PATL1: variants seen among roughly 807,000 people sequenced by gnomAD.
PATL1 encodes PAT1 homolog 1, processing body mRNA decay factor, also known as protein PAT1 homolog 1.
A neutral mutation model predicts 100.6 loss-of-function variants in PATL1; 32 were observed. The ratio of observed to expected loss-of-function variants is 0.32; its 90% confidence interval spans 0.24 to 0.43. PATL1 has a LOEUF of 0.43. Ranked by LOEUF, PATL1 falls within the 20% of genes least tolerant of loss-of-function variation. The pLI is 1.00. For synonymous variants in PATL1, 332 were observed against 330.0 expected (o/e 1.01, Z -0.07); for missense variants, 747 against 949.9 (o/e 0.79, Z 2.81).
chr11:59,650,654 A>C (rs1861429940), intron 13 of PATL1, 100 bp downstream of exon 13: 2 of 817,684 alleles, frequency 2.4e-6, no homozygotes, highest in Non-Finnish European at 3.8e-6. Flanking sequence ...ATTAAAACCA[A>C]AGAACATTGA....
In PATL1 at chr11:59,652,064, CAAAAAAAAA is replaced by C. The variant is rs748019832; in HGVS notation, c.1426+391_1426+399del. ...TGGACAACAGAGTAAGGCTCTTTCTCAAAAAAAAAAAAAAAAAAAAAAAAAAAAGACAAA... is the reference window on the plus strand; with the variant it reads ...TGGACAACAGAGTAAGGCTCTTTCTCAAAAAAAAAAAAAAAAAAAGACAAA... On this transcript the variant is annotated intron_variant, in intron 11 of 18. Coordinates refer to ENST00000300146, the MANE Select transcript of PATL1 (RefSeq NM_152716.3). Among the ~76,000 whole-genome samples the C allele has an allele frequency of 1.3e-3, 69 of 52,992 alleles. No individual in the cohort carries two copies. In the South Asian group the frequency reaches 0.016, roughly 12 times the overall value. The allele number at this position is 52,992 out of a possible 152,430, so 34.8% of individuals were successfully genotyped here.
chr11:59,659,512 T>C, intron 2 of PATL1, 43 bp from the exon 3 acceptor site: 1 of 1,490,926 alleles, frequency 6.7e-7, no homozygotes, highest in Non-Finnish European at 9.0e-7. Context: ...TTCATAGTGG[T>C]ACAAAAAAGT....
At chr11:59,660,204 T>G (rs1036778460) in intron 2 of PATL1, among the ~76,000 whole-genome samples, 1 of 152,242 alleles carries the variant, frequency 6.6e-6, no homozygotes, top group Non-Finnish European at 1.5e-5. Flanking sequence ...ATTCTTTACA[T>G]GCTTTTGAAT....
At chr11:59,640,142 G>C (rs1486823148) in intron 16 of PATL1, among the ~76,000 whole-genome samples, 2 of 150,842 alleles carry the variant, frequency 1.3e-5, no homozygotes, top group Non-Finnish European at 3.0e-5. Flanking sequence ...AGGAGTTTGA[G>C]ACCAGCCTGA....
chr11:59,653,456 G>A (rs1861475546), intron 9 of PATL1, among the ~76,000 whole-genome samples: 3 of 152,032 alleles, frequency 2.0e-5, no homozygotes, highest in African/African-American at 7.2e-5. Flanking sequence ...TAAAAATCAC[G>A]AAATATTTCA....
rs1287400594 is a variant in PATL1, at chr11:59,639,349, C to T, written c.2084G>A (p.Arg695His). 4.5e-6 allele frequency: 7 copies of T among 1,550,344 alleles called. No homozygotes were observed. The highest frequency in any genetic ancestry group is 2.0e-5 in the Admixed American group (1 of 50,976). The part of the protein sequence containing the change: ...GLSLLLILLS[R>H]GEDLQSSDPA... ...GTCTGAACTCTGTAGGTCTTCACCA[C>T]GGCTCAGGAGGATGAGGAGCAGTGA... Residue 695 changes from arginine to histidine, a missense_variant, in exon 17 of 19, where the codon CGT becomes CAT. This residue lies in a region of PATL1 where 434 missense variants were observed against 596.1 expected (regional missense o/e 0.73). Transcript: ENST00000300146.
rs997371441 is a variant in PATL1, at chr11:59,655,707, C to A, written c.847G>T (p.Ala283Ser). 5 of 1,602,018 alleles carry A rather than the reference C, an allele frequency of 3.1e-6. No homozygotes were observed. The African/African-American group carries it at 6.7e-5, about 21-fold the overall frequency. The change falls in exon 8 of 19, where the codon GCA becomes TCA. Residue 283 changes from alanine to serine, a missense_variant. Ala to Ser is a moderately conservative substitution (Grantham distance 99, BLOSUM62 1). Transcript: ENST00000300146. ...QPGRMSPSQFARVPGFVGSPL... is the reference protein window; with the variant it reads ...QPGRMSPSQFSRVPGFVGSPL... ...CTACCAACAAATCCAGGGACCCGTG[C>A]AAACTGGCTGGGAGACATCCGTCCA...
chr11:59,638,360 A>G lies in PATL1; in HGVS notation c.*30T>C, dbSNP rs117523528. 1.5e-3 allele frequency: 2,346 copies of G among 1,608,904 alleles called. 48 individuals carry two copies. In the East Asian group the frequency reaches 0.04, roughly 28 times the overall value. On this transcript the variant is annotated 3_prime_UTR_variant, in exon 19 of 19. Coordinates refer to ENST00000300146, the MANE Select transcript of PATL1 (RefSeq NM_152716.3). ...TGGCAGCAGTGCAGGTGGCAGCCAAAAGGAGGTACAGGACACATTTGGAGA... is the reference window on the plus strand; with the variant it reads ...TGGCAGCAGTGCAGGTGGCAGCCAAGAGGAGGTACAGGACACATTTGGAGA...
chr11:59,657,463 C>A, intron 5 of PATL1, 67 bp downstream of exon 5: 2 of 1,362,682 alleles, frequency 1.5e-6, no homozygotes, highest in Non-Finnish European at 9.8e-7. Context: ...CCAACATCAC[C>A]AATTTTCCAA....
At chr11:59,649,833 T>A (rs1465541620) in intron 13 of PATL1, among the ~76,000 whole-genome samples, 1 of 151,740 alleles carries the variant, frequency 6.6e-6, no homozygotes, top group East Asian at 1.9e-4. Flanking sequence ...GCAAAGACAG[T>A]AAAATAGTCT....
intron 2 of PATL1, among the ~76,000 whole-genome samples, chr11:59,659,832 GC>G (rs1170403749): frequency 5.3e-5 from 8 of 151,814 alleles, no homozygotes; most frequent in Non-Finnish European, 8.8e-5. Context: ...GAGCCACCAC[GC>G]CCGGCCTACA....
At chr11:59,643,904 C>T (rs1181698251) in intron 15 of PATL1, among the ~76,000 whole-genome samples, 2 of 152,014 alleles carry the variant, frequency 1.3e-5, no homozygotes, top group African/African-American at 4.8e-5. Context: ...TTCTTTTTGT[C>T]ATGTAGCCAA....
In PATL1 at chr11:59,638,418, G is replaced by A. The variant is rs367730472; in HGVS notation, c.2292-7C>T. ...TCGTATCCCCTGAACTAGCCTAGGA[G>A]TACAAAGGAGAGAAAGGAAAATTGT... is the stretch of plus-strand genomic sequence containing the variant. On this transcript the variant is annotated splice_polypyrimidine_tract_variant and splice_region_variant and intron_variant, in intron 18 of 18. Transcript: ENST00000300146. 1.2e-6 allele frequency: 2 copies of A among 1,610,564 alleles called. No individual in the cohort carries two copies. Among genetic ancestry groups the A allele is most frequent in the African/African-American group, 1.3e-5 (1 of 74,822 alleles).
intron 15 of PATL1, 91 bp downstream of exon 15, chr11:59,647,663 A>T: frequency 7.5e-7 from 1 of 1,335,254 alleles, no homozygotes. Context: ...AAAAATACAA[A>T]AGGGAAGAGG....
chr11:59,654,966 T>C (rs1158000552), intron 8 of PATL1, among the ~76,000 whole-genome samples: 1 of 152,238 alleles, frequency 6.6e-6, no homozygotes, highest in Admixed American at 6.5e-5. Flanking sequence ...GAAATCCTGC[T>C]TGAGTGTCTT....
At chr11:59,645,159 A>G (rs1457796339) in intron 15 of PATL1, among the ~76,000 whole-genome samples, 4 of 131,280 alleles carry the variant, frequency 3.0e-5, no homozygotes. Flanking sequence ...GAACAAAATG[A>G]AAAGTCTCCC....
At chr11:59,652,423 AAT>A (rs1861460737) in intron 11 of PATL1, 39 bp downstream of exon 11, 1 of 1,580,824 alleles carries the variant, frequency 6.3e-7, no homozygotes, top group African/African-American at 1.4e-5. Flanking sequence ...CAGCTTCTCA[AAT>A]TTCTTTTATT....
rs1861203105 is a variant in PATL1, at chr11:59,637,141, G to C, written c.*1249C>G. ...TAAGAACAGCAGAAAGATCACGAAGGCCATGTAAAATTAATTCAGATTTAA... is the reference window on the plus strand; with the variant it reads ...TAAGAACAGCAGAAAGATCACGAAGCCCATGTAAAATTAATTCAGATTTAA... On this transcript the variant is annotated 3_prime_UTR_variant, in exon 19 of 19. Transcript: ENST00000300146. 6.6e-6 allele frequency: 1 copy of C among 152,458 alleles called. No individual in the cohort carries two copies. The highest frequency in any genetic ancestry group is 6.6e-5 in the Admixed American group (1 of 15,258). 9.4% of individuals were successfully genotyped at this position (152,458 alleles called of 1,614,324 possible).
At chr11:59,642,849 A>C (rs746367025) in intron 16 of PATL1, 31 bp downstream of exon 16, 1 of 1,573,020 alleles carries the variant, frequency 6.4e-7, no homozygotes, top group South Asian at 1.2e-5. Flanking sequence ...GACATTTCAC[A>C]AAGTTCAAGG....
Sources: allele counts gnomAD v4.1 joint callset (sites outside exome capture counted in the v4.1 genomes callset), GRCh38; gene constraint gnomAD v4.1.1; regional missense constraint gnomAD v4.1.1; transcripts MANE v1.5; gene names NCBI Gene and HGNC (gene_info 2026-07-23, HGNC 2026-07-21).